CD244: variants seen among roughly 807,000 people sequenced by gnomAD.
CD244 encodes the protein CD244 molecule, also known as natural killer cell receptor 2B4.
CD244 carries 20 observed loss-of-function variants against 45.5 expected under a neutral mutation model. The observed-to-expected ratio is 0.44, with a 90% CI of 0.31 to 0.64. The LOEUF is 0.64. Among genes scored for constraint, CD244 ranks in the 30% least tolerant of loss-of-function variants. The pLI, the probability that CD244 is intolerant of heterozygous loss-of-function variation, is 0.08. For missense variants in CD244, 407 were observed against 426.9 expected (o/e 0.95, Z 0.41); for synonymous variants, 185 against 160.5 (o/e 1.15, Z -1.15).
intron 1 of CD244, among the ~76,000 whole-genome samples, chr1:160,859,465 T>C (rs1253654369): frequency 6.6e-6 from 1 of 152,200 alleles, no homozygotes; most frequent in Non-Finnish European, 1.5e-5. Context: ...AGTGGTTTTT[T>C]AAATTTCACT....
intron 3 of CD244, among the ~76,000 whole-genome samples, chr1:160,839,563 T>C (rs551851212): frequency 5.3e-5 from 8 of 152,208 alleles, no homozygotes; most frequent in Non-Finnish European, 8.8e-5. Flanking sequence ...AACAATACAG[T>C]ATAACAACTA....
intron 1 of CD244, 97 bp downstream of exon 1, chr1:160,862,520 T>A: frequency 9.5e-7 from 1 of 1,047,586 alleles, no homozygotes; most frequent in South Asian, 1.4e-5. Context: ...TCCAGATGAC[T>A]GTGTATGTGG....
Position 160,862,797 on chromosome 1 carries a change from G to A in CD244, c.-120C>T. On this transcript the variant is annotated 5_prime_UTR_variant, in exon 1 of 9. Coordinates refer to ENST00000368034, the MANE Select transcript of CD244 (RefSeq NM_016382.4). The stretch of plus-strand genomic sequence containing the variant: ...GGGGAGCAGAACTGCCTTGCAACCT[G>A]TCCAGCCACAGTTTCCTCAATTAGA... The A allele has an allele frequency of 1.3e-6, 1 of 763,512 alleles. No homozygotes were observed. Among genetic ancestry groups the A allele is most frequent in the South Asian group, 1.9e-5 (1 of 51,874 alleles). The allele number at this position is 763,512 out of a possible 1,614,324, so 47.3% of individuals were successfully genotyped here.
chr1:160,837,351 G>C (rs1669370132), intron 5 of CD244, among the ~76,000 whole-genome samples: 2 of 152,196 alleles, frequency 1.3e-5, no homozygotes, highest in African/African-American at 2.4e-5. Context: ...GCTGTGGGTA[G>C]ATTCACATGC....
chr1:160,846,873 G>A (rs1669756939), intron 1 of CD244, among the ~76,000 whole-genome samples: 1 of 152,144 alleles, frequency 6.6e-6, no homozygotes, highest in Non-Finnish European at 1.5e-5. Context: ...GGGGGATAGA[G>A]CTGTATAGGA....
chr1:160,831,717 A>C (rs1486869090), intron 8 of CD244, among the ~76,000 whole-genome samples: 1 of 152,088 alleles, frequency 6.6e-6, no homozygotes, highest in African/African-American at 2.4e-5. Context: ...AGTTGGCTTT[A>C]ATGTTGGGTG....
At chr1:160,833,972 A>G in intron 7 of CD244, 79 bp downstream of exon 7, 1 of 1,005,556 alleles carries the variant, frequency 9.9e-7, no homozygotes, top group Non-Finnish European at 1.6e-6. Context: ...GGATGTGCAC[A>G]CACACTCTCA....
intron 1 of CD244, among the ~76,000 whole-genome samples, chr1:160,861,453 T>C (rs910120549): frequency 2.0e-5 from 3 of 152,136 alleles, no homozygotes; most frequent in South Asian, 2.1e-4. Context: ...TGCCTCAGTT[T>C]CCCCTCTTTG....
intron 1 of CD244, among the ~76,000 whole-genome samples, chr1:160,853,738 T>A (rs1670000107): frequency 7.3e-6 from 1 of 136,862 alleles, no homozygotes; most frequent in Admixed American, 8.2e-5. Flanking sequence ...GAGCCATGAC[T>A]GCACCACTGC....
At chr1:160,849,356 A>G (rs984117545) in intron 1 of CD244, among the ~76,000 whole-genome samples, 3 of 147,728 alleles carry the variant, frequency 2.0e-5, no homozygotes, top group African/African-American at 7.6e-5. Context: ...ACGTAGGTAT[A>G]CGTGTGCCAT....
intron 1 of CD244, among the ~76,000 whole-genome samples, chr1:160,852,498 A>C (rs1044109957): frequency 1.3e-5 from 2 of 152,144 alleles, no homozygotes; most frequent in Non-Finnish European, 2.9e-5. Flanking sequence ...GCAGTGAGCC[A>C]AGATCACGCC....
At chr1:160,853,840 AC>A in intron 1 of CD244, among the ~76,000 whole-genome samples, 1 of 151,224 alleles carries the variant, frequency 6.6e-6, no homozygotes, top group South Asian at 2.1e-4. Context: ...AAAACAGCCA[AC>A]TGAAATGCAA....
intron 1 of CD244, among the ~76,000 whole-genome samples, chr1:160,842,459 T>G (rs1266667925): frequency 6.6e-6 from 1 of 152,054 alleles, no homozygotes; most frequent in Non-Finnish European, 1.5e-5. Flanking sequence ...GATAAATTCT[T>G]AACCATGATG....
At chr1:160,834,262 C>A in intron 6 of CD244, 146 bp from the exon 7 acceptor site, 1 of 623,170 alleles carries the variant, frequency 1.6e-6, no homozygotes, top group Non-Finnish European at 2.9e-6. Context: ...GCCAGGAGGT[C>A]AGACAACCTG....
intron 1 of CD244, among the ~76,000 whole-genome samples, chr1:160,856,875 GA>G (rs1405092237): frequency 6.7e-6 from 1 of 149,134 alleles, no homozygotes; most frequent in Non-Finnish European, 1.5e-5. Flanking sequence ...TTCACAGAGT[GA>G]AAAGGCAACC....
intron 1 of CD244, among the ~76,000 whole-genome samples, chr1:160,851,698 G>A (rs1425981079): frequency 6.6e-6 from 1 of 152,032 alleles, no homozygotes. Flanking sequence ...ACCAGATTAT[G>A]AGACTGGCTA....
intron 1 of CD244, among the ~76,000 whole-genome samples, chr1:160,851,127 T>C (rs1343725544): frequency 6.6e-6 from 1 of 152,198 alleles, no homozygotes; most frequent in Non-Finnish European, 1.5e-5. Flanking sequence ...TCTCTGAACC[T>C]TGTTCTTTGG....
intron 5 of CD244, among the ~76,000 whole-genome samples, chr1:160,836,950 C>T (rs1428777883): frequency 6.6e-6 from 1 of 152,246 alleles, no homozygotes; most frequent in Non-Finnish European, 1.5e-5. Flanking sequence ...GAACTGTCAG[C>T]TGTCCTTAGA....
rs1161509957 is a variant in CD244 at position 160,830,386 on chromosome 1, G to C, written c.*961C>G. 2 of 152,334 alleles carry C rather than the reference G, an allele frequency of 1.3e-5. No individual in the cohort carries two copies. The highest frequency in any genetic ancestry group is 2.9e-5 in the Non-Finnish European group (2 of 68,058). The allele number at this position is 152,334 out of a possible 1,614,324, so 9.4% of individuals were successfully genotyped here. ...CAGCCCTGCTCCCCACAGCCTTGTT[G>C]AAATGTCTGGCCTGACGACTCAGGG... On this transcript the variant is annotated 3_prime_UTR_variant, in exon 9 of 9. Coordinates refer to ENST00000368034, the MANE Select transcript of CD244 (RefSeq NM_016382.4).
Sources: allele counts gnomAD v4.1 joint callset (sites outside exome capture counted in the v4.1 genomes callset), GRCh38; gene constraint gnomAD v4.1.1; transcripts MANE v1.5; gene names NCBI Gene and HGNC (gene_info 2026-07-23, HGNC 2026-07-21).